The following MUSK variants were observed in gnomAD, a reference collection of about 807,000 sequenced individuals.
The protein encoded by MUSK is muscle associated receptor tyrosine kinase.
A neutral mutation model predicts 88.7 loss-of-function variants in MUSK; 55 were observed. The observed-to-expected ratio is 0.62, with a 90% CI of 0.50 to 0.78. The LOEUF (loss-of-function observed/expected upper bound fraction) is 0.78, where lower values mean the gene tolerates loss of function less well. Ranked by LOEUF, MUSK falls within the 30% of genes least tolerant of loss-of-function variation. MUSK has a pLI of 0.00. For missense variants in MUSK, 1,015 were observed against 1,074.3 expected (o/e 0.94, Z 0.77); for synonymous variants, 387 against 391.9 (o/e 0.99, Z 0.15).
At chr9:110,705,415 A>T (rs913801507) in intron 5 of MUSK, among the ~76,000 whole-genome samples, 1 of 152,186 alleles carries the variant, frequency 6.6e-6, no homozygotes, top group East Asian at 1.9e-4. Context: ...TGAGACCTAC[A>T]AGAGGAAGCT....
chr9:110,688,238 T>G (rs1391507283), intron 3 of MUSK, among the ~76,000 whole-genome samples: 1 of 152,106 alleles, frequency 6.6e-6, no homozygotes, highest in Non-Finnish European at 1.5e-5. Context: ...CTTACTATCT[T>G]TCTATCCATC....
At chr9:110,762,048 C>G in intron 7 of MUSK, 154 bp from the exon 8 acceptor site, 2 of 772,476 alleles carry the variant, frequency 2.6e-6, no homozygotes, top group Non-Finnish European at 3.1e-6. Flanking sequence ...AATGCAGCAT[C>G]TGGCCTCCTA....
chr9:110,726,847 A>G, intron 5 of MUSK, among the ~76,000 whole-genome samples: 1 of 152,044 alleles, frequency 6.6e-6, no homozygotes, highest in Non-Finnish European at 1.5e-5. Flanking sequence ...AGGCATTCAA[A>G]TGCAATTTTT....
At chr9:110,721,797 A>C (rs2076813443) in intron 5 of MUSK, among the ~76,000 whole-genome samples, 1 of 152,174 alleles carries the variant, frequency 6.6e-6, no homozygotes, top group Non-Finnish European at 1.5e-5. Context: ...AAGACTAAGC[A>C]AAAAGAACAA....
intron 5 of MUSK, among the ~76,000 whole-genome samples, chr9:110,713,254 C>T (rs959117588): frequency 8.8e-5 from 11 of 124,594 alleles, no homozygotes; most frequent in African/African-American, 3.3e-4. Context: ...TCTCTTGGAC[C>T]TTTTTTTCTT....
At position 110,767,935 on chromosome 9, in the gene MUSK, G is replaced by A. The variant is rs373788285; in HGVS notation, c.1036G>A (p.Glu346Lys). 6.2e-7 allele frequency: 1 copy of A among 1,613,766 alleles called. No individual in the cohort carries two copies. Among genetic ancestry groups the A allele is most frequent in the Non-Finnish European group, 8.5e-7 (1 of 1,179,894 alleles). The change falls in exon 9 of 15, where the codon GAG becomes AAG. Residue 346 changes from glutamate (E) to lysine (K), a missense_variant. Physicochemically the swap from Glu to Lys is moderately conservative, Grantham distance 56. Transcript: ENST00000374448. ...CAACACCTCCTATGCGGACCCTGAG[G>A]AGGCCCAAGAGCTACTGGTCCACAC... The part of the protein sequence containing the change: ...FLNTSYADPE[E>K]AQELLVHTAW...
At chr9:110,756,443 C>T (rs2077325512) in intron 7 of MUSK, among the ~76,000 whole-genome samples, 1 of 151,874 alleles carries the variant, frequency 6.6e-6, no homozygotes, top group South Asian at 2.1e-4. Flanking sequence ...ACAGGAATGT[C>T]CCATGTCCCT....
At chr9:110,772,248 C>T (rs1392018787) in intron 9 of MUSK, among the ~76,000 whole-genome samples, 1 of 151,416 alleles carries the variant, frequency 6.6e-6, no homozygotes, top group Non-Finnish European at 1.5e-5. Context: ...CATTTATGTC[C>T]CAGATCAGTT....
At chr9:110,765,119 C>A (rs1449471372) in intron 8 of MUSK, among the ~76,000 whole-genome samples, 1 of 152,080 alleles carries the variant, frequency 6.6e-6, no homozygotes, top group East Asian at 1.9e-4. Flanking sequence ...TTAAAGGAAA[C>A]ATCATGAAAT....
At chr9:110,735,239 C>G (rs2077015149) in intron 6 of MUSK, among the ~76,000 whole-genome samples, 2 of 152,210 alleles carry the variant, frequency 1.3e-5, no homozygotes, top group Non-Finnish European at 2.9e-5. Flanking sequence ...ATCAGTATAT[C>G]TAAGAGGTAT....
intron 3 of MUSK, among the ~76,000 whole-genome samples, chr9:110,692,696 C>A (rs2076373681): frequency 6.6e-6 from 1 of 151,968 alleles, no homozygotes; most frequent in Admixed American, 6.6e-5. Context: ...GTCTTAAAAA[C>A]TATATTTTTA....
intron 5 of MUSK, among the ~76,000 whole-genome samples, chr9:110,727,019 C>G (rs985222034): frequency 6.6e-6 from 1 of 151,972 alleles, no homozygotes; most frequent in African/African-American, 2.4e-5. Context: ...GGAACCGTTA[C>G]GAATATTGTA....
At chr9:110,769,075 G>A (rs548442823) in intron 9 of MUSK, among the ~76,000 whole-genome samples, 3 of 152,082 alleles carry the variant, frequency 2.0e-5, no homozygotes, top group Admixed American at 6.5e-5. Flanking sequence ...TCATCTGCAC[G>A]GTAGAATTGA....
chr9:110,725,945 G>C (rs908608029), intron 5 of MUSK, among the ~76,000 whole-genome samples: 2 of 151,900 alleles, frequency 1.3e-5, no homozygotes, highest in African/African-American at 4.8e-5. Flanking sequence ...AGGATATGTG[G>C]AAAAACTAGG....
At chr9:110,785,871 ATAT>A (rs2077849308) in intron 13 of MUSK, among the ~76,000 whole-genome samples, 153 bp downstream of exon 13, 1 of 148,830 alleles carries the variant, frequency 6.7e-6, no homozygotes, top group South Asian at 2.1e-4. Flanking sequence ...TAGTACATAT[ATAT>A]GTACACTGTG....
At chr9:110,694,455 A>C (rs1288813469) in intron 3 of MUSK, among the ~76,000 whole-genome samples, 1 of 151,084 alleles carries the variant, frequency 6.6e-6, no homozygotes, top group Non-Finnish European at 1.5e-5. Context: ...AGTATCTCTT[A>C]CCACCAACAA....
At chr9:110,758,715 A>G (rs2077359807) in intron 7 of MUSK, among the ~76,000 whole-genome samples, 1 of 152,252 alleles carries the variant, frequency 6.6e-6, no homozygotes, top group African/African-American at 2.4e-5. Context: ...AAGCAACATC[A>G]GCAAAGTTTC....
In MUSK at chr9:110,695,417, C is replaced by T. The variant is rs371157090; in HGVS notation, c.373C>T (p.Arg125Cys). 2.0e-5 allele frequency: 30 copies of T among 1,513,852 alleles called. No individual in the cohort carries two copies. The highest frequency in any genetic ancestry group is 2.3e-5 in the Non-Finnish European group (26 of 1,117,348). 93.8% of individuals were successfully genotyped at this position (1,513,852 alleles called of 1,614,324 possible). Residue 125 changes from arginine (R) to cysteine (C), a missense_variant, in exon 4 of 15, where the codon CGT (arginine) becomes TGT (cysteine). Arg to Cys is a radical substitution (Grantham distance 180). Coordinates refer to ENST00000374448, the MANE Select transcript of MUSK (RefSeq NM_005592.4). ...TTTCTTTTTAGAACCTAAAATAACT[C>T]GTCCTCCCATAAATGTGAAAATAAT... is the stretch of plus-strand genomic sequence containing the variant. ...LQVKMKPKIT[R>C]PPINVKIIEG...
In MUSK at chr9:110,690,238, G is replaced by GTATAAATATATATTTA. The variant is rs2076318507; in HGVS notation, c.358+2974_358+2975insAATATATATTTATATA. ...TATTTAAGTATAAATATATATTTAA[G>GTATAAATATATATTTA]TATATATAAATATATATAAATATAT... is the stretch of plus-strand genomic sequence containing the variant. On this transcript the variant is annotated intron_variant, in intron 3 of 14. Transcript: ENST00000374448. Among the ~76,000 whole-genome samples, 26 of 55,864 alleles carry GTATAAATATATATTTA rather than the reference G, an allele frequency of 4.7e-4. 1 individual carries two copies. The South Asian group carries it at 8.6e-3, about 18-fold the overall frequency. 36.6% of individuals were successfully genotyped at this position (55,864 alleles called of 152,430 possible). A position where few individuals can be genotyped will look rare whatever the true frequency, so the allele number is the denominator to read the frequency against.
Sources: gnomAD v4.1 joint callset for allele counts (sites outside exome capture counted in the v4.1 genomes callset) on GRCh38, gnomAD v4.1.1 for gene constraint, MANE v1.5 for transcripts, NCBI Gene and HGNC (gene_info 2026-07-23, HGNC 2026-07-21) for gene names.